The following CLTB variants were observed in gnomAD, a reference collection of about 807,000 sequenced individuals.
CLTB encodes clathrin light chain B, also known as clathrin, light chain (Lcb).
A neutral mutation model predicts 30.5 loss-of-function variants in CLTB; 10 were observed. That is an observed-to-expected ratio of 0.33 (90% CI 0.20 to 0.56). CLTB has a LOEUF of 0.56. CLTB is among the 20% of genes least tolerant of loss of function. The pLI, the probability that CLTB is intolerant of heterozygous loss-of-function variation, is 0.91. For synonymous variants in CLTB, 102 were observed against 120.3 expected (o/e 0.85, Z 1.00); for missense variants, 261 against 308.3 (o/e 0.85, Z 1.15).
intron 2 of CLTB, among the ~76,000 whole-genome samples, chr5:176,408,591 G>A (rs1362979364): frequency 6.6e-6 from 1 of 151,138 alleles, no homozygotes; most frequent in African/African-American, 2.4e-5. Flanking sequence ...TGTAATCATA[G>A]TCACTGCAGC....
rs776931397 is a variant in CLTB at position 176,416,320 on chromosome 5, G to C, written c.44C>G (p.Ala15Gly). ...CGGGTCCTCCTCCGCCGCCTCCGGG[G>C]CACCGCTCTCCGACGACGAGAAGAA... Reference protein sequence around the residue: ...FGFFSSSESGAPEAAEEDPAA... With the variant: ...FGFFSSSESGGPEAAEEDPAA... Residue 15 changes from alanine to glycine, a missense_variant, in exon 1 of 6, where the codon GCC becomes GGC. Ala to Gly is a moderately conservative substitution (Grantham distance 60, BLOSUM62 0). Coordinates refer to ENST00000310418, the MANE Select transcript of CLTB (RefSeq NM_007097.5). 6.2e-7 allele frequency: 1 copy of C among 1,602,708 alleles called. No individual in the cohort carries two copies. Among genetic ancestry groups the C allele is most frequent in the Non-Finnish European group, 8.5e-7 (1 of 1,176,270 alleles).
At chr5:176,396,594 C>A in intron 4 of CLTB, 62 bp from the exon 5 acceptor site, 1 of 1,198,888 alleles carries the variant, frequency 8.3e-7, no homozygotes, top group Non-Finnish European at 1.2e-6. Flanking sequence ...GACAGACAGG[C>A]AGGCAGAAGG....
intron 4 of CLTB, 133 bp downstream of exon 4, chr5:176,397,471 CTCA>C: frequency 1.6e-6 from 1 of 641,248 alleles, no homozygotes; most frequent in Non-Finnish European, 2.7e-6. Flanking sequence ...CCACGGCCCC[CTCA>C]TGTCCCCACA....
chr5:176,413,975 C>T (rs150141226), intron 1 of CLTB, among the ~76,000 whole-genome samples: 116 of 152,298 alleles, frequency 7.6e-4, no homozygotes, highest in African/African-American at 2.2e-3. Context: ...CAATTTGTGC[C>T]CCACCCCTGC....
rs1246700495 is a variant in CLTB, at chr5:176,393,037, G to A, written c.519-92C>T. ...GCTGCTTTGCCCAGCCTACTCTGGG[G>A]CACTGTGTCCTCCCCAGCCTTGTGC... On this transcript the variant is annotated intron_variant, in intron 5 of 5. Coordinates refer to ENST00000310418, the MANE Select transcript of CLTB (RefSeq NM_007097.5). This position sits in a 1 kb window ranked among gnomAD's most constrained non-coding sequence, Gnocchi z 4.4. The A allele has an allele frequency of 4.3e-6, 6 of 1,406,340 alleles. No homozygotes were observed. Among genetic ancestry groups the A allele is most frequent in the Non-Finnish European group, 6.0e-6 (6 of 1,002,014 alleles). The allele number at this position is 1,406,340 out of a possible 1,614,324, so 87.1% of individuals were successfully genotyped here. A position where few individuals can be genotyped will look rare whatever the true frequency, so the allele number is the denominator to read the frequency against.
At chr5:176,396,656 G>C (rs1429120868) in intron 4 of CLTB, 124 bp from the exon 5 acceptor site, 7 of 758,480 alleles carry the variant, frequency 9.2e-6, no homozygotes, top group Non-Finnish European at 1.6e-5. Context: ...AGAAATGTTA[G>C]GAAGCATAGT....
intron 1 of CLTB, among the ~76,000 whole-genome samples, chr5:176,413,378 T>C (rs1757543564): frequency 1.3e-5 from 2 of 152,164 alleles, no homozygotes; most frequent in South Asian, 4.1e-4. Flanking sequence ...CCAGGCCTGG[T>C]GCTCAGAAAA....
intron 5 of CLTB, among the ~76,000 whole-genome samples, chr5:176,394,650 TA>T (rs60599265): frequency 0.47 from 71,379 of 151,564 alleles, 17,025 homozygotes; most frequent in Middle Eastern, 0.57. Flanking sequence ...CCGTCTCTAC[TA>T]AAAAATACAC....
intron 2 of CLTB, 66 bp from the exon 3 acceptor site, chr5:176,398,113 G>A: frequency 2.1e-6 from 3 of 1,427,672 alleles, no homozygotes; most frequent in Non-Finnish European, 3.0e-6. Context: ...TGCTGCCCCT[G>A]CTGGGGACCC....
At chr5:176,398,069 GTCTA>G (rs1335641411) in intron 2 of CLTB, 22 bp from the exon 3 acceptor site, 1 of 1,605,972 alleles carries the variant, frequency 6.2e-7, no homozygotes, top group Non-Finnish European at 8.5e-7. Flanking sequence ...ACACGCAGCA[GTCTA>G]TCCAGCCAGC....
chr5:176,416,499 C>G lies in CLTB; in HGVS notation c.-136G>C. The G allele has an allele frequency of 1.5e-6, 1 of 654,046 alleles. No homozygotes were observed. 40.5% of individuals were successfully genotyped at this position (654,046 alleles called of 1,614,324 possible). ...TCGGCGGGGACGGGCTTGGCGCGGA[C>G]CGCACTTCCTCTCCGCCACCGGGCC... On this transcript the variant is annotated 5_prime_UTR_variant, in exon 1 of 6. Transcript: ENST00000310418.
At chr5:176,397,856 G>A in intron 3 of CLTB, 74 bp downstream of exon 3, 1 of 1,473,128 alleles carries the variant, frequency 6.8e-7, no homozygotes, top group Non-Finnish European at 9.5e-7. Flanking sequence ...AGCATCCCAT[G>A]CACTCCGAGG....
intron 1 of CLTB, among the ~76,000 whole-genome samples, chr5:176,410,643 C>T (rs1757376991): frequency 1.3e-5 from 2 of 152,160 alleles, no homozygotes; most frequent in African/African-American, 4.8e-5. Context: ...ATCACTGACC[C>T]CTGGCCATGG....
chr5:176,396,443 T>C (rs564656616), intron 5 of CLTB, 36 bp downstream of exon 5: 15 of 1,580,440 alleles, frequency 9.5e-6, no homozygotes, highest in Admixed American at 1.7e-5. Flanking sequence ...ATTCCCTCTC[T>C]AGCTCCCCCA....
intron 2 of CLTB, among the ~76,000 whole-genome samples, chr5:176,399,536 G>A (rs1756709404): frequency 6.6e-6 from 1 of 152,204 alleles, no homozygotes; most frequent in Non-Finnish European, 1.5e-5. Context: ...GAGGCCAGGA[G>A]TTTAAGACCA....
At chr5:176,406,576 G>A in intron 2 of CLTB, 1 of 1,289,096 alleles carries the variant, frequency 7.8e-7, no homozygotes, top group South Asian at 1.2e-5. Flanking sequence ...GAGGTGGGGA[G>A]GCGGAGTCCT....
chr5:176,409,538 C>T (rs1368143765), intron 2 of CLTB, among the ~76,000 whole-genome samples: 3 of 151,544 alleles, frequency 2.0e-5, no homozygotes, highest in South Asian at 2.1e-4. Context: ...CTTAGCCTCC[C>T]GAGTAGCTGG....
intron 1 of CLTB, among the ~76,000 whole-genome samples, chr5:176,415,435 C>G (rs1432069320): frequency 6.6e-6 from 1 of 152,136 alleles, no homozygotes; most frequent in African/African-American, 2.4e-5. Flanking sequence ...GTAATCCCAA[C>G]ACTTTAGGAG....
intron 3 of CLTB, 96 bp from the exon 4 acceptor site, chr5:176,397,814 C>T (rs1273165831): frequency 5.4e-6 from 8 of 1,484,014 alleles, no homozygotes; most frequent in Middle Eastern, 1.7e-4. Flanking sequence ...AGCCACAGGG[C>T]CGCACCGGCC....
Sources: gnomAD v4.1 joint callset for allele counts (sites outside exome capture counted in the v4.1 genomes callset) on GRCh38, gnomAD v4.1.1 for gene constraint, Gnocchi (gnomAD v3.1) non-coding constraint, MANE v1.5 for transcripts, NCBI Gene and HGNC (gene_info 2026-07-23, HGNC 2026-07-21) for gene names.